SEMA6D: variants seen among roughly 807,000 people sequenced by gnomAD.
SEMA6D encodes semaphorin 6D, also known as semaphorin-6D.
In SEMA6D, 35 loss-of-function variants were observed where a neutral mutation model predicts 106.6. That is an observed-to-expected ratio of 0.33 (90% CI 0.25 to 0.44). The LOEUF is 0.44. Among genes scored for constraint, SEMA6D ranks in the 20% least tolerant of loss-of-function variants. SEMA6D has a pLI of 1.00. For missense variants in SEMA6D, 1,185 were observed against 1,345.9 expected (o/e 0.88, Z 1.87); for synonymous variants, 499 against 487.7 (o/e 1.02, Z -0.31).
At chr15:47,643,073 A>G (rs756771565) in intron 4 of SEMA6D, among the ~76,000 whole-genome samples, 4 of 152,192 alleles carry the variant, frequency 2.6e-5, no homozygotes, top group Non-Finnish European at 5.9e-5. Context: ...TTCACAATTC[A>G]GCTACAGCAA....
intron 1 of SEMA6D, among the ~76,000 whole-genome samples, chr15:47,757,407 A>C (rs191975542): frequency 1.3e-5 from 2 of 152,324 alleles, no homozygotes; most frequent in Admixed American, 6.5e-5. Flanking sequence ...TTAAGGCAAC[A>C]TTTTATACTT....
chr15:47,229,289 A>G (rs1375817810), intron 1 of SEMA6D, among the ~76,000 whole-genome samples: 24 of 151,974 alleles, frequency 1.6e-4, no homozygotes, highest in Admixed American at 1.4e-3. Context: ...TTTTCTAATT[A>G]AAAACACCCC....
intron 6 of SEMA6D, 29 bp downstream of exon 6, chr15:47,761,460 T>C: frequency 6.5e-7 from 1 of 1,535,726 alleles, no homozygotes; most frequent in Non-Finnish European, 8.9e-7. Flanking sequence ...ATATGCTTCT[T>C]TTGATCAACT....
chr15:47,679,887 G>C (rs1459272736), intron 4 of SEMA6D, among the ~76,000 whole-genome samples: 1 of 152,188 alleles, frequency 6.6e-6, no homozygotes, highest in Non-Finnish European at 1.5e-5. Context: ...TGATTTGCCT[G>C]AGTGGCCACC....
intron 2 of SEMA6D, among the ~76,000 whole-genome samples, chr15:47,468,770 T>C (rs960705099): frequency 3.9e-5 from 6 of 152,164 alleles, no homozygotes; most frequent in Admixed American, 2.0e-4. Flanking sequence ...CAGGTTTGAA[T>C]AGTACAGATA....
chr15:47,304,857 C>T (rs1360220678), intron 1 of SEMA6D, among the ~76,000 whole-genome samples: 1 of 152,150 alleles, frequency 6.6e-6, no homozygotes, highest in Non-Finnish European at 1.5e-5. Flanking sequence ...GCCTACAAGA[C>T]CTGCCAAGTT....
intron 2 of SEMA6D, among the ~76,000 whole-genome samples, chr15:47,444,026 G>A (rs1453293523): frequency 6.6e-6 from 1 of 152,126 alleles, no homozygotes; most frequent in Non-Finnish European, 1.5e-5. Context: ...CCTAACCAGT[G>A]AATCACCTAC....
intron 1 of SEMA6D, among the ~76,000 whole-genome samples, chr15:47,202,691 C>T (rs1894801917): frequency 6.6e-6 from 1 of 152,174 alleles, no homozygotes; most frequent in East Asian, 1.9e-4. Context: ...CATTCCTGTT[C>T]TAAAGCTTTT....
rs1482340165 is a variant in SEMA6D at position 47,764,682 on chromosome 15, C to T, written c.1142C>T (p.Thr381Ile). 1 of 1,614,074 alleles carries T rather than the reference C, an allele frequency of 6.2e-7. No individual in the cohort carries two copies. Among genetic ancestry groups the T allele is most frequent in the East Asian group, 2.2e-5 (1 of 44,882 alleles). Reference sequence around the variant, plus strand: ...CACGGCCTTGCCGAAGCTTATAAAACCTCCATCGATTTCCCGGATGAAACT... The same window carrying T: ...CACGGCCTTGCCGAAGCTTATAAAATCTCCATCGATTTCCCGGATGAAACT... ...AKHGLAEAYK[T>I]SIDFPDETLS... is the part of the protein sequence containing the mutation. Residue 381 changes from threonine to isoleucine, a missense_variant, in exon 12 of 19, where the codon ACC becomes ATC. Coordinates refer to ENST00000536845, the MANE Select transcript of SEMA6D (RefSeq NM_001358351.3).
chr15:47,243,481 TG>T (rs1219212932), intron 1 of SEMA6D, among the ~76,000 whole-genome samples: 2 of 152,076 alleles, frequency 1.3e-5, no homozygotes, highest in East Asian at 3.9e-4. Context: ...TGGGGAGTAT[TG>T]ATTTTAACTT....
At chr15:47,298,397 T>A (rs1042139405) in intron 1 of SEMA6D, among the ~76,000 whole-genome samples, 12 of 151,592 alleles carry the variant, frequency 7.9e-5, no homozygotes, top group Admixed American at 7.9e-4. Flanking sequence ...AAGGGGGAAG[T>A]CAAAAATACC....
chr15:47,509,335 G>A (rs1431021556), intron 3 of SEMA6D, among the ~76,000 whole-genome samples: 4 of 152,136 alleles, frequency 2.6e-5, no homozygotes, highest in Non-Finnish European at 5.9e-5. Flanking sequence ...CATATGGAGT[G>A]GCTTTTGGAA....
At chr15:47,653,385 C>A (rs1227029508) in intron 4 of SEMA6D, among the ~76,000 whole-genome samples, 1 of 152,162 alleles carries the variant, frequency 6.6e-6, no homozygotes, top group Non-Finnish European at 1.5e-5. Context: ...CAGAGAAAAT[C>A]GACTGCTGGT....
chr15:47,596,025 C>G lies in SEMA6D; in HGVS notation c.-86-4840C>G, dbSNP rs571708782. Reference sequence around the variant, plus strand: ...TGTTGCTGTTTGCTGACAACATGATCCTATGTATAGAAAACCCTAAACACC... The same window carrying G: ...TGTTGCTGTTTGCTGACAACATGATGCTATGTATAGAAAACCCTAAACACC... On this transcript the variant is annotated intron_variant, in intron 3 of 19. Transcript: ENST00000558014. 3.3e-5 allele frequency among the ~76,000 whole-genome samples: 5 copies of G among 152,024 alleles called. No individual in the cohort carries two copies. The South Asian group carries it at 8.3e-4, about 25-fold the overall frequency.
chr15:47,369,409 T>A (rs563092111), intron 1 of SEMA6D, among the ~76,000 whole-genome samples: 9 of 152,328 alleles, frequency 5.9e-5, no homozygotes, highest in African/African-American at 2.2e-4. Flanking sequence ...TTTTTAAAAA[T>A]CTTAGAAAAT....
intron 1 of SEMA6D, among the ~76,000 whole-genome samples, chr15:47,206,416 C>G (rs11853430): frequency 0.39 from 58,582 of 151,952 alleles, 11,760 homozygotes; most frequent in Middle Eastern, 0.53. Context: ...CAGTTGAAGG[C>G]AGAGCCAGGA....
intron 1 of SEMA6D, among the ~76,000 whole-genome samples, chr15:47,211,829 A>T (rs1226277209): frequency 1.3e-5 from 2 of 152,166 alleles, no homozygotes; most frequent in Non-Finnish European, 2.9e-5. Flanking sequence ...TTAGATGGTA[A>T]CATACGTTAC....
intron 1 of SEMA6D, among the ~76,000 whole-genome samples, chr15:47,290,859 T>G (rs1595655427): frequency 6.6e-6 from 1 of 152,216 alleles, no homozygotes; most frequent in South Asian, 2.1e-4. Context: ...AAGTAAAACA[T>G]TTATTGCATG....
At chr15:47,413,257 C>T (rs1337014981) in intron 2 of SEMA6D, among the ~76,000 whole-genome samples, 1 of 152,014 alleles carries the variant, frequency 6.6e-6, no homozygotes, top group African/African-American at 2.4e-5. Context: ...TCTCTGGAAA[C>T]ATTTTCAATA....
Sources: gnomAD v4.1 joint callset for allele counts (sites outside exome capture counted in the v4.1 genomes callset) on GRCh38, gnomAD v4.1.1 for gene constraint, MANE v1.5 for transcripts, NCBI Gene and HGNC (gene_info 2026-07-23, HGNC 2026-07-21) for gene names.